RBM47: variants seen among roughly 807,000 people sequenced by gnomAD.
RBM47 encodes RNA-binding protein 47.
Under a neutral mutation model 47.1 loss-of-function variants are expected in RBM47, and 21 were observed. The observed-to-expected ratio is 0.45, with a 90% CI of 0.32 to 0.64. The LOEUF is 0.64. Among genes scored for constraint, RBM47 ranks in the 30% least tolerant of loss-of-function variants. RBM47 has a pLI of 0.05. For synonymous variants in RBM47, 375 were observed against 361.7 expected, an observed-to-expected ratio of 1.04 and a Z score of -0.42; for missense variants, 708 against 870.9, an observed-to-expected ratio of 0.81 and a Z score of 2.35.
At chr4:40,564,884 G>A (rs1730953561) in intron 1 of RBM47, among the ~76,000 whole-genome samples, 1 of 152,200 alleles carries the variant, frequency 6.6e-6, no homozygotes, top group South Asian at 2.1e-4. Flanking sequence ...TGAGGCCCGA[G>A]GATCCTCAGT....
In RBM47 at chr4:40,432,708, CGCGGCTGCGGCGGCA is replaced by C; in HGVS notation, c.1470_1484del (p.Ala498_Ala502del). 1 of 1,589,718 alleles carries C rather than the reference CGCGGCTGCGGCGGCA, an allele frequency of 6.3e-7. No homozygotes were observed. Among genetic ancestry groups the C allele is most frequent in the African/African-American group, 1.3e-5 (1 of 74,260 alleles). ...TGACAGCGGCTGCGGCGGCTGCGGC[CGCGGCTGCGGCGGCA>C]GCAGCACTGGCTGGGTCTGGCTGCA... On this transcript the variant is annotated inframe_deletion, in exon 6 of 7. Coordinates refer to ENST00000295971, the MANE Select transcript of RBM47 (RefSeq NM_001098634.2).
chr4:40,431,100 G>A (rs2154209657), intron 6 of RBM47, among the ~76,000 whole-genome samples: 1 of 151,440 alleles, frequency 6.6e-6, no homozygotes, highest in South Asian at 2.1e-4. Flanking sequence ...ATCAAAAAAA[G>A]TGGCCTGGAT....
At chr4:40,507,717 C>T (rs1478606186) in intron 2 of RBM47, among the ~76,000 whole-genome samples, 1 of 151,146 alleles carries the variant, frequency 6.6e-6, no homozygotes, top group Non-Finnish European at 1.5e-5. Context: ...ACCTGGGAGG[C>T]GGAGGTTGCA....
At chr4:40,556,718 T>C (rs1391683499) in intron 1 of RBM47, among the ~76,000 whole-genome samples, 1 of 151,630 alleles carries the variant, frequency 6.6e-6, no homozygotes, top group Admixed American at 6.6e-5. Context: ...GGCGAAATCT[T>C]GTCTCTATAA....
intron 3 of RBM47, among the ~76,000 whole-genome samples, chr4:40,465,752 T>C (rs552207740): frequency 2.8e-4 from 42 of 152,194 alleles, no homozygotes; most frequent in African/African-American, 1.0e-3. Context: ...TGGAGAAGAT[T>C]AAATGGTTGT....
intron 1 of RBM47, among the ~76,000 whole-genome samples, chr4:40,599,740 A>G (rs1010631269): frequency 1.9e-5 from 1 of 52,128 alleles, no homozygotes; most frequent in South Asian, 5.4e-4. Flanking sequence ...AATGAATTAG[A>G]AAAAAAAAAA....
intron 3 of RBM47, among the ~76,000 whole-genome samples, chr4:40,456,427 GTGT>G (rs1406621677): frequency 2.0e-5 from 3 of 151,810 alleles, no homozygotes; most frequent in Non-Finnish European, 1.5e-5. Flanking sequence ...GAAATTTCCT[GTGT>G]TGTTAAGAAT....
chr4:40,610,065 T>C (rs1413936899), intron 1 of RBM47, among the ~76,000 whole-genome samples: 1 of 151,998 alleles, frequency 6.6e-6, no homozygotes. Flanking sequence ...CACTCCAGCC[T>C]GGGTGCCAAA....
rs79943527 is a variant in RBM47 at position 40,574,455 on chromosome 4, G to A, written c.-239-29949C>T. Among the ~76,000 whole-genome samples the A allele has an allele frequency of 3.8e-4, 58 of 152,312 alleles. No individual in the cohort carries two copies. In the East Asian group the frequency reaches 9.8e-3, roughly 26 times the overall value. ...TCAACAGAATGACTCTTTTCAGAAC[G>A]TTAGACAAACCTGTATTCTGTAGGT... is the stretch of plus-strand genomic sequence containing the variant. On this transcript the variant is annotated intron_variant, in intron 1 of 6. Transcript: ENST00000295971.
chr4:40,466,443 T>C (rs1464265180), intron 3 of RBM47, 134 bp downstream of exon 3: 2 of 152,126 alleles, frequency 1.3e-5, no homozygotes, highest in Non-Finnish European at 2.9e-5. Flanking sequence ...TCACGTTCTA[T>C]ATTCCACTAA....
At chr4:40,545,273 G>C (rs574357964) in intron 1 of RBM47, among the ~76,000 whole-genome samples, 1 of 149,816 alleles carries the variant, frequency 6.7e-6, no homozygotes, top group South Asian at 2.1e-4. Context: ...GGCTGGTCTC[G>C]AACTCCTGAC....
At chr4:40,470,417 G>T (rs184919585) in intron 2 of RBM47, among the ~76,000 whole-genome samples, 1 of 152,130 alleles carries the variant, frequency 6.6e-6, no homozygotes, top group African/African-American at 2.4e-5. Flanking sequence ...AACACATGGG[G>T]GGACTTGAGG....
At chr4:40,625,519 G>A (rs529864954) in intron 1 of RBM47, among the ~76,000 whole-genome samples, 9 of 152,082 alleles carry the variant, frequency 5.9e-5, no homozygotes, top group African/African-American at 1.7e-4. Flanking sequence ...CTGCCCATTG[G>A]TACATATACT....
intron 1 of RBM47, among the ~76,000 whole-genome samples, chr4:40,622,138 A>ACCC (rs1737323362): frequency 1.3e-5 from 2 of 152,240 alleles, no homozygotes; most frequent in Admixed American, 6.5e-5. Context: ...CTTGGGATAC[A>ACCC]CCAATGAATG....
chr4:40,584,616 T>A (rs774614804), intron 1 of RBM47, among the ~76,000 whole-genome samples: 1 of 152,186 alleles, frequency 6.6e-6, no homozygotes, highest in Admixed American at 6.5e-5. Context: ...TCAACAGAAA[T>A]ACTTGGTATG....
intron 2 of RBM47, among the ~76,000 whole-genome samples, chr4:40,533,389 G>C (rs936134909): frequency 6.7e-6 from 1 of 148,440 alleles, no homozygotes; most frequent in East Asian, 2.0e-4. Context: ...AGCTGAGACC[G>C]CACCACTGCA....
chr4:40,542,427 A>C (rs1160136741), intron 2 of RBM47: 1 of 152,260 alleles, frequency 6.6e-6, no homozygotes, highest in Non-Finnish European at 1.5e-5. Flanking sequence ...TCCAGGTCTC[A>C]GTTAGAATGC....
chr4:40,555,821 G>T (rs1290234187), intron 1 of RBM47, among the ~76,000 whole-genome samples: 1 of 152,180 alleles, frequency 6.6e-6, no homozygotes, highest in East Asian at 1.9e-4. Flanking sequence ...GAACAGCCAA[G>T]GTGGCCTTGT....
intron 1 of RBM47, among the ~76,000 whole-genome samples, chr4:40,554,895 G>A (rs1729928970): frequency 6.6e-6 from 1 of 151,888 alleles, no homozygotes; most frequent in Non-Finnish European, 1.5e-5. Context: ...CTGAGTAGCT[G>A]GGACTGCAGG....
Sources: allele counts gnomAD v4.1 joint callset (sites outside exome capture counted in the v4.1 genomes callset), GRCh38; gene constraint gnomAD v4.1.1; transcripts MANE v1.5; gene names NCBI Gene and HGNC (gene_info 2026-07-23, HGNC 2026-07-21).